The following EVC variants were observed in gnomAD, a reference collection of about 807,000 sequenced individuals.
The protein encoded by EVC is evC complex member EVC.
A neutral mutation model predicts 118.9 loss-of-function variants in EVC; 116 were observed. That is an observed-to-expected ratio of 0.98 (90% CI 0.84 to 1.14). The LOEUF is 1.14. EVC is among the 50% of genes most tolerant of loss of function. The pLI is 0.00. For missense variants in EVC, 1,401 were observed against 1,246.4 expected (o/e 1.12, Z -1.87); for synonymous variants, 619 against 534.7 (o/e 1.16, Z -2.18).
At chr4:5,751,452 G>A (rs1055419205) in intron 8 of EVC, among the ~76,000 whole-genome samples, 21 of 152,206 alleles carry the variant, frequency 1.4e-4, no homozygotes, top group Admixed American at 2.6e-4. Context: ...CCCTTCCCGC[G>A]GCCCACCTGG....
chr4:5,758,064 G>A (rs1234463170), intron 11 of EVC: 2 of 702,426 alleles, frequency 2.8e-6, no homozygotes, highest in Admixed American at 4.0e-5. Context: ...AATTCTAATG[G>A]CTGGTGTCCT....
chr4:5,796,020 G>A (rs957879409), intron 13 of EVC, among the ~76,000 whole-genome samples: 2 of 151,796 alleles, frequency 1.3e-5, no homozygotes, highest in African/African-American at 4.8e-5. Context: ...CTTCTCCGTG[G>A]TTCAGCATGG....
At chr4:5,724,701 T>G (rs1287351499) in intron 2 of EVC, among the ~76,000 whole-genome samples, 1 of 19,756 alleles carries the variant, frequency 5.1e-5, no homozygotes, top group Non-Finnish European at 1.2e-4. Context: ...TTCCCTGTTA[T>G]TTTTTTTTTT....
At chr4:5,714,512 T>C (rs1275907327) in intron 1 of EVC, among the ~76,000 whole-genome samples, 2 of 101,208 alleles carry the variant, frequency 2.0e-5, no homozygotes, top group Non-Finnish European at 4.3e-5. Context: ...TTTTTTTTTT[T>C]TGGCTGCGTG....
intron 2 of EVC, among the ~76,000 whole-genome samples, chr4:5,720,312 G>C (rs560876781): frequency 1.3e-5 from 2 of 152,136 alleles, no homozygotes; most frequent in Non-Finnish European, 2.9e-5. Context: ...CAGCAGCCAC[G>C]TGAGGCTGAT....
the EVC span, chr4:5,825,755 G>A: frequency 1.0e-5 from 13 of 1,305,520 alleles, no homozygotes; most frequent in Non-Finnish European, 7.5e-6. This position sits in a 1 kb window ranked among gnomAD's most constrained non-coding sequence, Gnocchi z 4.4. Flanking sequence ...AGAGAAACCT[G>A]AGGTCACTTC....
chr4:5,731,475 G>A lies in EVC; in HGVS notation c.435G>A (p.Gln145=), dbSNP rs985748259. The A allele has an allele frequency of 2.5e-6, 4 of 1,613,434 alleles. No individual in the cohort carries two copies. The highest frequency in any genetic ancestry group is 3.4e-6 in the Non-Finnish European group (4 of 1,179,910). The stretch of plus-strand genomic sequence containing the variant: ...CGTCTCTGCATGAAAACTTAAAGCA[G>A]GCTGTTTTGCCACACCAGCCGGTAG... ...SNPSLHENLK[Q]AVLPHQPVEA... is the part of the protein sequence containing the mutation. The change falls in exon 4 of 21, where the codon CAG becomes CAA. Residue 145 remains glutamine, a synonymous_variant. Coordinates refer to ENST00000264956, the MANE Select transcript of EVC (RefSeq NM_153717.3). This position sits in a 1 kb window ranked among gnomAD's most constrained non-coding sequence, Gnocchi z 5.6.
the EVC span, among the ~76,000 whole-genome samples, chr4:5,827,187 C>T: frequency 2.0e-5 from 3 of 152,234 alleles, no homozygotes; most frequent in Non-Finnish European, 4.4e-5. Context: ...CTCACGGAAG[C>T]TGACTGTTAA....
rs1358023616 is a variant in EVC, at chr4:5,762,737, T to C, written c.1563+6375T>C. 2.3e-3 allele frequency among the ~76,000 whole-genome samples: 272 copies of C among 119,366 alleles called. 1 individual carries two copies. The highest frequency in any genetic ancestry group is 8.4e-3 in the African/African-American group (259 of 30,962). The allele number at this position is 119,366 out of a possible 152,430, so 78.3% of individuals were successfully genotyped here. A position where few individuals can be genotyped will look rare whatever the true frequency, so the allele number is the denominator to read the frequency against. ...GTCTGTTCATGTCCTTTGCCCACTT[T>C]TTGATGGGGTTGTTTGTTTTTTTCT... On this transcript the variant is annotated intron_variant, in intron 11 of 20. Coordinates refer to ENST00000264956, the MANE Select transcript of EVC (RefSeq NM_153717.3).
intron 12 of EVC, among the ~76,000 whole-genome samples, chr4:5,785,304 A>G (rs1363642900): frequency 6.6e-6 from 1 of 152,248 alleles, no homozygotes; most frequent in African/African-American, 2.4e-5. Flanking sequence ...AGCCCCTGGC[A>G]GTGCTGTTAA....
intron 11 of EVC, among the ~76,000 whole-genome samples, chr4:5,767,277 G>A (rs536904195): frequency 6.6e-5 from 10 of 151,016 alleles, no homozygotes; most frequent in East Asian, 4.0e-4. Flanking sequence ...CCAGCTGCAT[G>A]CTGGGAGAAC....
chr4:5,759,626 T>C (rs1221719298), intron 11 of EVC, among the ~76,000 whole-genome samples: 2 of 152,158 alleles, frequency 1.3e-5, no homozygotes, highest in Non-Finnish European at 2.9e-5. Flanking sequence ...TCATCAAGAT[T>C]AAGGAAATTG....
intron 11 of EVC, among the ~76,000 whole-genome samples, chr4:5,777,280 G>C (rs1056408488): frequency 3.3e-5 from 5 of 152,124 alleles, no homozygotes; most frequent in African/African-American, 9.7e-5. Flanking sequence ...CTTGACTCCA[G>C]GTTACAGTTT....
rs372089496 is a variant in EVC at position 5,797,123 on chromosome 4, G to A, written c.1988G>A (p.Arg663Gln). 1.7e-5 allele frequency: 27 copies of A among 1,613,478 alleles called. No individual in the cohort carries two copies. The highest frequency in any genetic ancestry group is 2.2e-5 in the East Asian group (1 of 44,880). Residue 663 changes from arginine to glutamine, a missense_variant, in exon 14 of 21, where the codon CGG becomes CAG. By Grantham distance (43) the Arg-to-Gln change is conservative (BLOSUM62 1). Coordinates refer to ENST00000264956, the MANE Select transcript of EVC (RefSeq NM_153717.3). The part of the protein sequence containing the change: ...GNALATLTQM[R>Q]LSGKKHLLQE... Reference sequence around the variant, plus strand: ...GCCCTGGCCACCCTGACGCAGATGCGGCTATCGGGGAAGAAGCACCTCCTG... The same window carrying A: ...GCCCTGGCCACCCTGACGCAGATGCAGCTATCGGGGAAGAAGCACCTCCTG...
intron 19 of EVC, 78 bp downstream of exon 19, chr4:5,809,689 T>G: frequency 2.4e-6 from 3 of 1,256,634 alleles, no homozygotes; most frequent in Middle Eastern, 1.9e-4. Flanking sequence ...CACTGGCCAC[T>G]AACTAGCTGT....
rs1362182535 is a variant in EVC, at chr4:5,779,282, C to T, written c.1564-4270C>T. 2.4e-4 allele frequency among the ~76,000 whole-genome samples: 36 copies of T among 152,210 alleles called. No homozygotes were observed. In the South Asian group the frequency reaches 4.4e-3, roughly 18 times the overall value. On this transcript the variant is annotated intron_variant, in intron 11 of 20. Coordinates refer to ENST00000264956, the MANE Select transcript of EVC (RefSeq NM_153717.3). ...TTTGAAGTCAGGTAGCGTGATGCCT[C>T]CAGCTTTGTTCTTTTGGCTTAGGAT...
intron 11 of EVC, among the ~76,000 whole-genome samples, chr4:5,776,022 T>A (rs1344845137): frequency 6.6e-6 from 1 of 152,110 alleles, no homozygotes; most frequent in Non-Finnish European, 1.5e-5. Context: ...AATATAGCTG[T>A]TGTTTTTTTT....
chr4:5,794,299 T>TTATATATATTTATA (rs1362642233), intron 13 of EVC, among the ~76,000 whole-genome samples: 4 of 123,466 alleles, frequency 3.2e-5, no homozygotes, highest in Non-Finnish European at 6.8e-5. Flanking sequence ...TTTTATATAT[T>TTATATATATTTATA]TATATTTTTA....
rs1300015671 is a variant in EVC at position 5,779,237 on chromosome 4, A to T, written c.1564-4315A>T. On this transcript the variant is annotated intron_variant, in intron 11 of 20. Transcript: ENST00000264956. ...GTACCAGTACCATGCTGTTTTGGTTACTGTAGCCTTGTAATATAGTTTGAA... is the reference window on the plus strand; with the variant it reads ...GTACCAGTACCATGCTGTTTTGGTTTCTGTAGCCTTGTAATATAGTTTGAA... 2.5e-3 allele frequency among the ~76,000 whole-genome samples: 380 copies of T among 152,208 alleles called. 2 individuals carry two copies. Among genetic ancestry groups the T allele is most frequent in the African/African-American group, 8.1e-3 (338 of 41,478 alleles).
Sources: gnomAD v4.1 joint callset for allele counts (sites outside exome capture counted in the v4.1 genomes callset) on GRCh38, gnomAD v4.1.1 for gene constraint, Gnocchi (gnomAD v3.1) non-coding constraint, MANE v1.5 for transcripts, NCBI Gene and HGNC (gene_info 2026-07-23, HGNC 2026-07-21) for gene names.